KRT73: variants seen among roughly 807,000 people sequenced by gnomAD.
KRT73 encodes the protein keratin 73, also known as keratin, type II cytoskeletal 73.
KRT73 carries 44 observed loss-of-function variants against 47.2 expected under a neutral mutation model. The observed-to-expected ratio is 0.93, with a 90% CI of 0.73 to 1.20. The LOEUF (loss-of-function observed/expected upper bound fraction) is 1.20. Among genes scored for constraint, KRT73 ranks in the 50% most tolerant of loss-of-function variants. The probability of loss-of-function intolerance (pLI) is 0.00; values close to 1 mark genes in which losing one functional copy is unlikely to be tolerated. For missense variants in KRT73, 713 were observed against 704.5 expected, an observed-to-expected ratio of 1.01 and a Z score of -0.14; for synonymous variants, 285 against 291.3, an observed-to-expected ratio of 0.98 and a Z score of 0.22.
Position 52,616,256 on chromosome 12 carries a change from C to T in KRT73, c.572G>A (p.Arg191Gln), listed in dbSNP as rs146681578. The change falls in exon 2 of 9, where the codon CGG becomes CAG. Residue 191 changes from arginine to glutamine, a missense_variant. By Grantham distance (43) the Arg-to-Gln change is conservative. Coordinates refer to ENST00000305748, the MANE Select transcript of KRT73 (RefSeq NM_175068.3). ...PILEGYISNLRKQLETLSGDR... is the reference protein window; with the variant it reads ...PILEGYISNLQKQLETLSGDR... The stretch of plus-strand genomic sequence containing the variant: ...CCCAGACAGCGTCTCCAGCTGCTTC[C>T]GCAGGTTGCTGATGTAGCCCTCAAG... The T allele has an allele frequency of 9.2e-5, 148 of 1,614,044 alleles. No individual in the cohort carries two copies. The highest frequency in any genetic ancestry group is 1.3e-4 in the Admixed American group (8 of 60,010).
At chr12:52,622,818 T>C (rs893965780), upstream of KRT73, among the ~76,000 whole-genome samples, 1 of 152,010 alleles carries the variant, frequency 6.6e-6, no homozygotes, top group Admixed American at 6.5e-5. Context: ...CTAAGAAATA[T>C]AATAATCAAA....
upstream of KRT73, among the ~76,000 whole-genome samples, chr12:52,622,003 G>T (rs1940915130): frequency 6.6e-6 from 1 of 152,178 alleles, no homozygotes; most frequent in Non-Finnish European, 1.5e-5. Flanking sequence ...CAAGGACAAT[G>T]TCAGAAGAAG....
chr12:52,622,224 G>T (rs772978452), upstream of KRT73, among the ~76,000 whole-genome samples: 1 of 152,148 alleles, frequency 6.6e-6, no homozygotes, highest in Non-Finnish European at 1.5e-5. Flanking sequence ...CAATAAACAT[G>T]CTTAAATGAA....
chr12:52,622,771 C>A (rs556767752), upstream of KRT73, among the ~76,000 whole-genome samples: 58 of 152,102 alleles, frequency 3.8e-4, no homozygotes, highest in Non-Finnish European at 7.2e-4. Context: ...AGACCCACAT[C>A]CATCAGCTTC....
At chr12:52,611,403 C>G in intron 5 of KRT73, 74 bp from the exon 6 acceptor site, 1 of 1,582,974 alleles carries the variant, frequency 6.3e-7, no homozygotes, top group Admixed American at 1.7e-5. Context: ...AGAGACTGTG[C>G]CTGCACTTGC....
Position 52,608,104 on chromosome 12 carries a change from G to T in KRT73, c.*92C>A. The T allele has an allele frequency of 7.3e-7, 1 of 1,363,538 alleles. No homozygotes were observed. Among genetic ancestry groups the T allele is most frequent in the Non-Finnish European group, 1.0e-6 (1 of 996,412 alleles). 84.5% of individuals were successfully genotyped at this position (1,363,538 alleles called of 1,614,324 possible). On this transcript the variant is annotated 3_prime_UTR_variant, in exon 9 of 9. Transcript: ENST00000305748. ...CAGCAAAGCAAAGCAAGAAGGAGAT[G>T]AGGACAAATGAGACAGAGGAATTTC...
chr12:52,616,044 G>C, intron 2 of KRT73, 122 bp downstream of exon 2: 1 of 1,192,336 alleles, frequency 8.4e-7, no homozygotes, highest in Non-Finnish European at 1.2e-6. Flanking sequence ...GCCCATAGAA[G>C]GCTCTCATCT....
At chr12:52,608,703 G>T (rs1012996184) in intron 8 of KRT73, among the ~76,000 whole-genome samples, 3 of 152,222 alleles carry the variant, frequency 2.0e-5, no homozygotes, top group African/African-American at 7.2e-5. Context: ...TTCCCCAGGG[G>T]ACAGATGATG....
upstream of KRT73, among the ~76,000 whole-genome samples, chr12:52,622,841 A>G (rs1940925033): frequency 6.6e-6 from 1 of 152,226 alleles, no homozygotes; most frequent in African/African-American, 2.4e-5. Flanking sequence ...AAAAAACTCA[A>G]TGGATACACG....
chr12:52,629,660 C>T, the KRT73 span, among the ~76,000 whole-genome samples: 1 of 152,226 alleles, frequency 6.6e-6, no homozygotes, highest in Admixed American at 6.5e-5. Flanking sequence ...TAGAGCAGTT[C>T]ATGTTGTTGG....
chr12:52,618,453 G>A lies in KRT73; in HGVS notation c.72C>T (p.Leu24=). The A allele has an allele frequency of 6.2e-7, 1 of 1,613,666 alleles. No individual in the cohort carries two copies. The highest frequency in any genetic ancestry group is 8.5e-7 in the Non-Finnish European group (1 of 1,179,816). Residue 24 remains leucine, a synonymous_variant, in exon 1 of 9, where the codon CTC becomes CTT. Coordinates refer to ENST00000305748, the MANE Select transcript of KRT73 (RefSeq NM_175068.3). The part of the protein sequence containing the change: ...KGGFSGCSAV[L]SGGSSSSYRA... ...GGTAGGAGGATGAGCTGCCCCCTGA[G>A]AGCACAGCGGAGCAGCCGCTGAAGC...
At chr12:52,620,109 C>CTTTT (rs10638831), upstream of KRT73, among the ~76,000 whole-genome samples, 1,019 of 94,404 alleles carry the variant, frequency 0.011, 56 homozygotes, top group African/African-American at 0.04. Context: ...TCCTTTTTTT[C>CTTTT]TTTTTTTTTT....
chr12:52,627,765 G>A, the KRT73 span, among the ~76,000 whole-genome samples: 5 of 152,174 alleles, frequency 3.3e-5, no homozygotes, highest in Admixed American at 6.5e-5. Flanking sequence ...CTGTAAAAAC[G>A]GAAGCTGAGT....
At chr12:52,619,054 G>T (rs1005863857), upstream of KRT73, among the ~76,000 whole-genome samples, 1 of 152,308 alleles carries the variant, frequency 6.6e-6, no homozygotes, top group East Asian at 1.9e-4. Context: ...TTGATGGCTG[G>T]CCAGGGCCAT....
chr12:52,619,791 T>TTCCCAAA (rs577586945), upstream of KRT73, among the ~76,000 whole-genome samples: 73 of 152,266 alleles, frequency 4.8e-4, no homozygotes, highest in African/African-American at 1.7e-3. Flanking sequence ...ACCCAAGAGT[T>TTCCCAAA]TCCCAAATCC....
At chr12:52,630,360 A>G in the KRT73 span, among the ~76,000 whole-genome samples, 1 of 152,176 alleles carries the variant, frequency 6.6e-6, no homozygotes, top group Non-Finnish European at 1.5e-5. Context: ...CTTGATGCTC[A>G]TCAGCTCCTG....
At position 52,610,844 on chromosome 12, in the gene KRT73, A is replaced by C; in HGVS notation, c.1111-9T>G. 6.2e-7 allele frequency: 1 copy of C among 1,605,998 alleles called. No individual in the cohort carries two copies. The highest frequency in any genetic ancestry group is 8.5e-7 in the Non-Finnish European group (1 of 1,176,414). ...GTCTCCAGGTTGGCACACTGGGGTCAGGAGGTAGCATTTCTCCCTGAGTTC... is the reference window on the plus strand; with the variant it reads ...GTCTCCAGGTTGGCACACTGGGGTCCGGAGGTAGCATTTCTCCCTGAGTTC... On this transcript the variant is annotated splice_polypyrimidine_tract_variant and intron_variant, in intron 6 of 8. Coordinates refer to ENST00000305748, the MANE Select transcript of KRT73 (RefSeq NM_175068.3).
chr12:52,610,529 G>GGGGGGGGGC, intron 7 of KRT73, 86 bp downstream of exon 7: 2 of 295,156 alleles, frequency 6.8e-6, no homozygotes, highest in Non-Finnish European at 1.4e-5. Context: ...CCAGCTCGCC[G>GGGGGGGGGC]CCCCCTCCCC....
intron 3 of KRT73, chr12:52,615,022 C>A: frequency 1.8e-6 from 1 of 542,566 alleles, no homozygotes; most frequent in Non-Finnish European, 3.3e-6. Context: ...CCTCCCAAAG[C>A]CTGTCCTGTT....
Sources: gnomAD v4.1 joint callset for allele counts (sites outside exome capture counted in the v4.1 genomes callset) on GRCh38, gnomAD v4.1.1 for gene constraint, MANE v1.5 for transcripts, NCBI Gene and HGNC (gene_info 2026-07-23, HGNC 2026-07-21) for gene names.